TMEM242: variants seen among roughly 807,000 people sequenced by gnomAD.
TMEM242 encodes transmembrane protein 242, also known as UPF0463 transmembrane protein C6orf35.
A neutral mutation model predicts 18.2 loss-of-function variants in TMEM242; 10 were observed. That is an observed-to-expected ratio of 0.55 (90% CI 0.34 to 0.93). The LOEUF is 0.93. TMEM242 is among the 40% of genes least tolerant of loss of function. The pLI, the probability that TMEM242 is intolerant of heterozygous loss-of-function variation, is 0.02. For missense variants in TMEM242, 186 were observed against 175.5 expected (o/e 1.06, Z -0.34); for synonymous variants, 57 against 69.9 (o/e 0.81, Z 0.92).
At chr6:157,322,000 G>T (rs924629169) in intron 2 of TMEM242, among the ~76,000 whole-genome samples, 1 of 152,172 alleles carries the variant, frequency 6.6e-6, no homozygotes, top group Admixed American at 6.5e-5. Context: ...TTATGGTATC[G>T]ATAAGGCTTA....
intron 3 of TMEM242, among the ~76,000 whole-genome samples, chr6:157,313,894 C>T (rs1778313813): frequency 6.6e-6 from 1 of 150,836 alleles, no homozygotes; most frequent in Non-Finnish European, 1.5e-5. Context: ...CCCCAGTGTG[C>T]GCTCACCTGG....
intron 3 of TMEM242, chr6:157,299,975 A>C (rs1293721239): frequency 6.7e-7 from 1 of 1,495,038 alleles, no homozygotes; most frequent in Non-Finnish European, 9.3e-7. Context: ...CTCGGAAGTG[A>C]AGCGCTCAAC....
chr6:157,310,290 G>A (rs1258950147), intron 3 of TMEM242, among the ~76,000 whole-genome samples: 2 of 137,708 alleles, frequency 1.5e-5, no homozygotes, highest in Admixed American at 1.5e-4. Context: ...TAGTACAAGA[G>A]TTCCTTAAAG....
chr6:157,293,079 T>C (rs978084438), intron 3 of TMEM242, 80 bp from the exon 4 acceptor site: 3 of 969,608 alleles, frequency 3.1e-6, no homozygotes, highest in Non-Finnish European at 3.3e-6. Flanking sequence ...CTTTGCTGAC[T>C]GGCTAGTACT....
At chr6:157,313,353 C>G (rs1554249719) in intron 3 of TMEM242, among the ~76,000 whole-genome samples, 1 of 148,632 alleles carries the variant, frequency 6.7e-6, no homozygotes. Context: ...CCAGTGTGCG[C>G]TCACCTGGCC....
At chr6:157,298,626 C>T (rs190747531) in intron 3 of TMEM242, among the ~76,000 whole-genome samples, 12 of 152,248 alleles carry the variant, frequency 7.9e-5, no homozygotes, top group Admixed American at 1.3e-4. Context: ...AATACCTGTA[C>T]GTATATACTT....
intron 3 of TMEM242, chr6:157,299,827 C>G: frequency 6.2e-7 from 1 of 1,610,608 alleles, no homozygotes; most frequent in Non-Finnish European, 8.5e-7. Flanking sequence ...GATCCATTGT[C>G]TCACCCTTCA....
At chr6:157,313,217 C>T (rs1355486736) in intron 3 of TMEM242, among the ~76,000 whole-genome samples, 52 of 139,488 alleles carry the variant, frequency 3.7e-4, no homozygotes, top group Non-Finnish European at 1.4e-4. Flanking sequence ...TCAGTGTGCC[C>T]TCACCTGGCC....
chr6:157,294,591 C>G (rs1777727573), intron 3 of TMEM242, among the ~76,000 whole-genome samples: 1 of 152,016 alleles, frequency 6.6e-6, no homozygotes, highest in Non-Finnish European at 1.5e-5. Context: ...ACCTCGTGAT[C>G]CGCCCGCCTC....
At chr6:157,319,761 G>C (rs146462678) in intron 2 of TMEM242, among the ~76,000 whole-genome samples, 1 of 152,276 alleles carries the variant, frequency 6.6e-6, no homozygotes, top group Non-Finnish European at 1.5e-5. Context: ...TAGAATCCCA[G>C]GCTAATGGAT....
At chr6:157,313,002 C>A (rs1778233449) in intron 3 of TMEM242, among the ~76,000 whole-genome samples, 1 of 151,986 alleles carries the variant, frequency 6.6e-6, no homozygotes, top group African/African-American at 2.4e-5. Context: ...ATCATAGTGT[C>A]CCAGTGTCCG....
rs1236848091 is a variant in TMEM242, at chr6:157,290,894, G to A, written c.*2007C>T. ...AGGACAGCAGAGGTGACATATAAGG[G>A]TTTTGTAGACACGAGGCATGCCACT... On this transcript the variant is annotated 3_prime_UTR_variant, in exon 4 of 4. Coordinates refer to ENST00000400788, the MANE Select transcript of TMEM242 (RefSeq NM_018452.6). 2 of 152,192 alleles carry A rather than the reference G, an allele frequency of 1.3e-5. No homozygotes were observed. The highest frequency in any genetic ancestry group is 2.9e-5 in the Non-Finnish European group (2 of 68,048). 9.4% of individuals were successfully genotyped at this position (152,192 alleles called of 1,614,324 possible).
rs1416009328 is a variant in TMEM242, at chr6:157,290,571, CATT to C, written c.*2327_*2329del. On this transcript the variant is annotated 3_prime_UTR_variant, in exon 4 of 4. Transcript: ENST00000400788. ...AGATGGTACGTCTCATAAAGAATAACATTATCTGTTCAACATTTTTCCTTTCCA... is the reference window on the plus strand; with the variant it reads ...AGATGGTACGTCTCATAAAGAATAACATCTGTTCAACATTTTTCCTTTCCA... 1 of 152,200 alleles carries C rather than the reference CATT, an allele frequency of 6.6e-6. No homozygotes were observed. The highest frequency in any genetic ancestry group is 1.5e-5 in the Non-Finnish European group (1 of 68,032). 9.4% of individuals were successfully genotyped at this position (152,200 alleles called of 1,614,324 possible). A position where few individuals can be genotyped will look rare whatever the true frequency, so the allele number is the denominator to read the frequency against.
chr6:157,294,447 T>G (rs374924440), intron 3 of TMEM242, among the ~76,000 whole-genome samples: 1,445 of 142,096 alleles, frequency 0.01, 27 homozygotes, highest in African/African-American at 0.036. Flanking sequence ...GCCTCCCGGG[T>G]TCACGCCATT....
chr6:157,310,824 C>G (rs1554248464), intron 3 of TMEM242, among the ~76,000 whole-genome samples: 1 of 151,262 alleles, frequency 6.6e-6, no homozygotes, highest in African/African-American at 2.4e-5. Context: ...GTGCACTCAC[C>G]CGGCCTCATC....
At chr6:157,316,177 T>C (rs1778386853) in intron 3 of TMEM242, among the ~76,000 whole-genome samples, 1 of 152,248 alleles carries the variant, frequency 6.6e-6, no homozygotes, top group African/African-American at 2.4e-5. Context: ...TGTAAAGTGC[T>C]AGCAGACTGT....
At chr6:157,304,501 AGAG>A in intron 3 of TMEM242, among the ~76,000 whole-genome samples, 2 of 142,714 alleles carry the variant, frequency 1.4e-5, no homozygotes, top group Non-Finnish European at 3.0e-5. Flanking sequence ...AGAGAGAGAG[AGAG>A]AGTGCCACTG....
In TMEM242 at chr6:157,323,468, G is replaced by C. The variant is rs587747016; in HGVS notation, c.32C>G (p.Pro11Arg). ...CCCCGGAGCCTCCAGCCCAGAGGCC[G>C]GCTGCCCAGTTGCAGCGCCCGCTGT... METAGAATGQ[P>R]ASGLEAPGST... The change falls in exon 1 of 4, where the codon CCG (proline) becomes CGG (arginine). Residue 11 changes from proline to arginine, a missense_variant. By Grantham distance (103) the Pro-to-Arg change is moderately radical (BLOSUM62 -2). Transcript: ENST00000400788. 8.1e-6 allele frequency: 13 copies of C among 1,613,990 alleles called. No individual in the cohort carries two copies. Among genetic ancestry groups the C allele is most frequent in the African/African-American group, 5.3e-5 (4 of 75,054 alleles).
chr6:157,308,975 G>C (rs1204843358), intron 3 of TMEM242, among the ~76,000 whole-genome samples: 1 of 152,178 alleles, frequency 6.6e-6, no homozygotes, highest in South Asian at 2.1e-4. Flanking sequence ...GGTTCCCTAT[G>C]GTATTTAATA....
Sources: allele counts gnomAD v4.1 joint callset (sites outside exome capture counted in the v4.1 genomes callset), GRCh38; gene constraint gnomAD v4.1.1; transcripts MANE v1.5; gene names NCBI Gene and HGNC (gene_info 2026-07-23, HGNC 2026-07-21).